CCNY: variants seen among roughly 807,000 people sequenced by gnomAD.
CCNY encodes cyclin-Y.
CCNY carries 19 observed loss-of-function variants against 42.8 expected under a neutral mutation model. That is an observed-to-expected ratio of 0.44 (90% CI 0.31 to 0.65). The LOEUF is 0.65. Among genes scored for constraint, CCNY ranks in the 30% least tolerant of loss-of-function variants. The pLI is 0.07. For synonymous variants in CCNY, 165 were observed against 162.7 expected, an observed-to-expected ratio of 1.01 and a Z score of -0.11; for missense variants, 370 against 437.3, an observed-to-expected ratio of 0.85 and a Z score of 1.37.
chr10:35,308,123 G>A (rs1223905502), intron 3 of CCNY, among the ~76,000 whole-genome samples: 1 of 151,686 alleles, frequency 6.6e-6, no homozygotes, highest in Non-Finnish European at 1.5e-5. Context: ...GGCCGAGGTA[G>A]TAATAATTTT....
At chr10:35,264,951 G>GTGTTTT (rs1315530456) in intron 3 of CCNY, among the ~76,000 whole-genome samples, 11 of 152,176 alleles carry the variant, frequency 7.2e-5, no homozygotes, top group African/African-American at 1.9e-4. Context: ...TTTAGTGGTG[G>GTGTTTT]TGTTTTTGTT....
At chr10:35,463,518 TAATA>T (rs961105216) in intron 1 of CCNY, among the ~76,000 whole-genome samples, 1 of 152,098 alleles carries the variant, frequency 6.6e-6, no homozygotes, top group Non-Finnish European at 1.5e-5. Flanking sequence ...TCGTGGAAGG[TAATA>T]AATAGTGAAA....
intron 3 of CCNY, among the ~76,000 whole-genome samples, chr10:35,286,169 T>C (rs1245815956): frequency 1.3e-5 from 2 of 152,144 alleles, no homozygotes; most frequent in Admixed American, 6.6e-5. Context: ...TGGTTTATGC[T>C]TGTTTCCTCT....
chr10:35,368,630 C>T (rs1193151969), intron 1 of CCNY, among the ~76,000 whole-genome samples: 2 of 138,398 alleles, frequency 1.4e-5, no homozygotes, highest in Non-Finnish European at 3.1e-5. Context: ...ACAGTGACTC[C>T]TCCTGGGGGT....
chr10:35,464,561 T>G (rs529798919), intron 1 of CCNY, among the ~76,000 whole-genome samples: 1 of 151,496 alleles, frequency 6.6e-6, no homozygotes, highest in Non-Finnish European at 1.5e-5. Flanking sequence ...ATGCCCAGTA[T>G]GCTTTTTTTT....
intron 1 of CCNY, among the ~76,000 whole-genome samples, chr10:35,481,688 G>A (rs960048998): frequency 3.3e-5 from 5 of 152,144 alleles, no homozygotes; most frequent in Admixed American, 6.5e-5. Context: ...GGGACTATGT[G>A]TTAAGTTTCT....
chr10:35,477,623 T>C (rs1263678038), intron 1 of CCNY, among the ~76,000 whole-genome samples: 1 of 151,228 alleles, frequency 6.6e-6, no homozygotes, highest in African/African-American at 2.4e-5. Context: ...AATTAGGTAT[T>C]GATGGGACAT....
At chr10:35,463,777 A>G (rs1839203067) in intron 1 of CCNY, among the ~76,000 whole-genome samples, 1 of 152,272 alleles carries the variant, frequency 6.6e-6, no homozygotes, top group Non-Finnish European at 1.5e-5. Context: ...TAGGCAAATG[A>G]TAAATACTTC....
chr10:35,477,700 T>G (rs1464285066), intron 1 of CCNY, among the ~76,000 whole-genome samples: 1 of 150,496 alleles, frequency 6.6e-6, no homozygotes, highest in East Asian at 2.0e-4. Context: ...GGGCAAAAAC[T>G]GGAAGCATTC....
rs1432035759 is a variant in CCNY at position 35,337,223 on chromosome 10, C to T, written c.154+16C>T. ...AACATAGACGGTGAGTGCGGCCCGC[C>T]GAGCCCCCTACCCGCCCCCGCGGCA... On this transcript the variant is annotated intron_variant, in intron 1 of 9. Transcript: ENST00000374704. 1.3e-6 allele frequency: 2 copies of T among 1,508,456 alleles called. No homozygotes were observed. The highest frequency in any genetic ancestry group is 1.2e-5 in the South Asian group (1 of 80,798). The allele number at this position is 1,508,456 out of a possible 1,614,324, so 93.4% of individuals were successfully genotyped here.
intron 3 of CCNY, among the ~76,000 whole-genome samples, chr10:35,261,641 G>A (rs1469059911): frequency 2.6e-5 from 4 of 152,130 alleles, no homozygotes; most frequent in African/African-American, 9.7e-5. Flanking sequence ...GGAGGTCGAG[G>A]CTACAGTGAG....
rs578205678 is a variant in CCNY at position 35,448,329 on chromosome 10, G to A, written c.155-35075G>A. ...TAAGGGTGGGGACATGGGTAGGGCC[G>A]GTGTAGCAGAAATTCTGGAGCCAGG... On this transcript the variant is annotated intron_variant, in intron 1 of 9. Transcript: ENST00000374704. Among the ~76,000 whole-genome samples the A allele has an allele frequency of 1.1e-4, 17 of 152,274 alleles. No individual in the cohort carries two copies. The South Asian group carries it at 3.1e-3, about 28-fold the overall frequency.
intron 1 of CCNY, among the ~76,000 whole-genome samples, chr10:35,351,540 A>G (rs954164283): frequency 2.6e-5 from 4 of 152,204 alleles, no homozygotes; most frequent in Admixed American, 2.6e-4. Context: ...TTCAGATGCA[A>G]CTAATCTAGA....
At chr10:35,301,945 T>TA (rs1835539618) in intron 3 of CCNY, among the ~76,000 whole-genome samples, 6 of 150,870 alleles carry the variant, frequency 4.0e-5, no homozygotes, top group East Asian at 3.9e-4. Context: ...CATTGTTATT[T>TA]TTTATTTTAT....
chr10:35,461,305 A>G (rs2504365), intron 1 of CCNY, among the ~76,000 whole-genome samples: 64,885 of 151,982 alleles, frequency 0.43, 14,864 homozygotes, highest in African/African-American at 0.59. Flanking sequence ...GTTCAAGTCT[A>G]AATATAGCAT....
intron 1 of CCNY, among the ~76,000 whole-genome samples, chr10:35,434,677 A>G (rs1219468262): frequency 1.3e-5 from 2 of 152,164 alleles, no homozygotes; most frequent in African/African-American, 4.8e-5. Flanking sequence ...ATTCAGAGGG[A>G]TGCTTTGAAT....
At chr10:35,507,767 G>T (rs1336144298) in intron 3 of CCNY, among the ~76,000 whole-genome samples, 1 of 149,488 alleles carries the variant, frequency 6.7e-6, no homozygotes, top group East Asian at 2.0e-4. Flanking sequence ...TCAGGACATT[G>T]ACACTGTTGA....
chr10:35,457,931 T>G (rs1839073552), intron 1 of CCNY, among the ~76,000 whole-genome samples: 1 of 152,218 alleles, frequency 6.6e-6, no homozygotes, highest in Non-Finnish European at 1.5e-5. Flanking sequence ...TGCAGAAATA[T>G]GAGTTGGATT....
At chr10:35,251,459 T>G (rs541946541) in intron 3 of CCNY, among the ~76,000 whole-genome samples, 1 of 152,300 alleles carries the variant, frequency 6.6e-6, no homozygotes, top group East Asian at 1.9e-4. Context: ...AGTAGAAAGA[T>G]GTAGCTTCAG....
Sources: allele counts gnomAD v4.1 joint callset (sites outside exome capture counted in the v4.1 genomes callset), GRCh38; gene constraint gnomAD v4.1.1; transcripts MANE v1.5; gene names NCBI Gene and HGNC (gene_info 2026-07-23, HGNC 2026-07-21).